The following CABIN1 variants were observed in gnomAD, a reference collection of about 807,000 sequenced individuals.
CABIN1 encodes calcineurin binding protein 1, also known as calcineurin-binding protein cabin-1.
In CABIN1, 133 loss-of-function variants were observed where a neutral mutation model predicts 227.7. The ratio of observed to expected loss-of-function variants is 0.58; its 90% CI spans 0.51 to 0.67. CABIN1 has a LOEUF of 0.67. Ranked by LOEUF, CABIN1 falls within the 30% of genes least tolerant of loss-of-function variation. The pLI, the probability that CABIN1 is intolerant of heterozygous loss-of-function variation, is 0.00. For synonymous variants in CABIN1, 1,086 were observed against 1,155.1 expected (o/e 0.94, Z 1.21); for missense variants, 2,408 against 2,852.5 (o/e 0.84, Z 3.55).
At chr22:24,020,899 T>C (rs1455784738) in intron 1 of CABIN1, among the ~76,000 whole-genome samples, 1 of 152,152 alleles carries the variant, frequency 6.6e-6, no homozygotes, top group East Asian at 1.9e-4. Context: ...ATTTCTGTTA[T>C]CAAGGTGTGG....
At position 24,039,075 on chromosome 22, in the gene CABIN1, T is replaced by C. The variant is rs148195508; in HGVS notation, c.210+614T>C. Among the ~76,000 whole-genome samples the C allele has an allele frequency of 8.7e-3, 1,330 of 152,268 alleles. 21 individuals carry two copies. Among genetic ancestry groups the C allele is most frequent in the African/African-American group, 0.03 (1,246 of 41,560 alleles). On this transcript the variant is annotated intron_variant, in intron 4 of 36. Transcript: ENST00000263119. ...TTAATCCTCGAGTTGACTGGAGATG[T>C]CGACTGGAGGTTTGGGAATTGGTCC...
intron 28 of CABIN1, among the ~76,000 whole-genome samples, chr22:24,128,723 C>T (rs1019867885): frequency 2.0e-5 from 3 of 152,232 alleles, no homozygotes; most frequent in African/African-American, 7.2e-5. Flanking sequence ...TCTGTGCCCC[C>T]GTGCCAATGC....
At chr22:24,170,551 G>A (rs972253469) in intron 33 of CABIN1, among the ~76,000 whole-genome samples, 2 of 152,172 alleles carry the variant, frequency 1.3e-5, no homozygotes, top group Admixed American at 1.3e-4. Context: ...AGACAGGTCT[G>A]TCCTCCTGCC....
intron 28 of CABIN1, among the ~76,000 whole-genome samples, chr22:24,128,861 G>A (rs1462770943): frequency 6.6e-6 from 1 of 152,212 alleles, no homozygotes; most frequent in Non-Finnish European, 1.5e-5. Context: ...CAGACAGTTT[G>A]CACACCTGGA....
At chr22:24,124,861 G>A (rs902687088) in intron 28 of CABIN1, among the ~76,000 whole-genome samples, 2 of 152,150 alleles carry the variant, frequency 1.3e-5, no homozygotes, top group Admixed American at 1.3e-4. Context: ...TCAAGGCAGA[G>A]GGGGTTGGTT....
At chr22:24,129,242 G>T (rs936718847) in intron 28 of CABIN1, among the ~76,000 whole-genome samples, 3 of 152,342 alleles carry the variant, frequency 2.0e-5, no homozygotes, top group South Asian at 2.1e-4. Flanking sequence ...CTCACCCCAA[G>T]CTTTTGCTTC....
chr22:24,064,512 GTTTTTTTT>G (rs782268156), intron 15 of CABIN1, among the ~76,000 whole-genome samples: 4 of 106,900 alleles, frequency 3.7e-5, no homozygotes, highest in African/African-American at 1.5e-4. Context: ...CAGCTGAAAG[GTTTTTTTT>G]TTTTTTTTTT....
chr22:24,155,218 A>G (rs1256497952), intron 29 of CABIN1, among the ~76,000 whole-genome samples: 1 of 152,116 alleles, frequency 6.6e-6, no homozygotes, highest in Non-Finnish European at 1.5e-5. Context: ...TGGAGCTGTG[A>G]GTACCAGGGG....
At chr22:24,132,056 T>G (rs914295175) in intron 28 of CABIN1, among the ~76,000 whole-genome samples, 3 of 148,696 alleles carry the variant, frequency 2.0e-5, no homozygotes, top group Admixed American at 6.7e-5. Context: ...AGTGACACTC[T>G]GTCTCCAAAA....
intron 15 of CABIN1, among the ~76,000 whole-genome samples, chr22:24,064,754 A>T (rs544350819): frequency 2.3e-4 from 35 of 152,142 alleles, no homozygotes; most frequent in Non-Finnish European, 5.0e-4. Flanking sequence ...TCTGTTTGAC[A>T]AAGCACATCT....
Position 24,056,530 on chromosome 22 carries a change from G to A in CABIN1, c.1262+170G>A, listed in dbSNP as rs2038811822. 1.9e-5 allele frequency: 13 copies of A among 681,600 alleles called. No homozygotes were observed. The South Asian group carries it at 2.5e-4, about 13-fold the overall frequency. The allele number at this position is 681,600 out of a possible 1,614,324, so 42.2% of individuals were successfully genotyped here. ...CAAATCTCACTGGAGTAGGATCTTG[G>A]ATTTTTCTCGCCTCTTCCCACCTCT... On this transcript the variant is annotated intron_variant, in intron 10 of 36. Transcript: ENST00000263119.
intron 29 of CABIN1, among the ~76,000 whole-genome samples, chr22:24,141,807 T>G (rs1050301731): frequency 6.6e-6 from 1 of 152,198 alleles, no homozygotes; most frequent in Non-Finnish European, 1.5e-5. Flanking sequence ...CTGTTTGTCC[T>G]GACTGTGTTG....
chr22:24,133,447 A>G (rs1204438774), intron 28 of CABIN1, among the ~76,000 whole-genome samples: 5 of 152,184 alleles, frequency 3.3e-5, no homozygotes, highest in Non-Finnish European at 7.3e-5. Flanking sequence ...GTGCAAGGTG[A>G]TGAAGGCCTG....
In CABIN1 at chr22:24,067,120, C is replaced by T; in HGVS notation, c.2171C>T (p.Ala724Val). 2 of 1,614,254 alleles carry T rather than the reference C, an allele frequency of 1.2e-6. No individual in the cohort carries two copies. The highest frequency in any genetic ancestry group is 1.7e-5 in the Admixed American group (1 of 60,030). Residue 724 changes from alanine (A) to valine (V), a missense_variant, in exon 16 of 37, where the codon GCC (alanine) becomes GTC (valine). Ala to Val is a moderately conservative substitution (Grantham distance 64). This residue lies in a region of CABIN1 where 1,045 missense variants were observed against 1,168.4 expected (regional missense o/e 0.89). Coordinates refer to ENST00000263119, the MANE Select transcript of CABIN1 (RefSeq NM_012295.4). ...TTGTGCACCAGTGGGTTTGACCGGG[C>T]CAAACACCTGGAGTTTATGACTTCC... ...PTLCTSGFDR[A>V]KHLEFMTSIP...
At position 24,164,579 on chromosome 22, in the gene CABIN1, C is replaced by G; in HGVS notation, c.4910+16C>G. On this transcript the variant is annotated intron_variant, in intron 30 of 36. Transcript: ENST00000263119. The stretch of plus-strand genomic sequence containing the variant: ...ACCAGGGCAAGTGAGTGCAGCCACC[C>G]TGGACACAGCCTGGCATGCTGTGTG... 1 of 1,601,530 alleles carries G rather than the reference C, an allele frequency of 6.2e-7. No individual in the cohort carries two copies. Among genetic ancestry groups the G allele is most frequent in the Non-Finnish European group, 8.5e-7 (1 of 1,179,764 alleles).
chr22:24,144,891 G>A (rs760353631), intron 29 of CABIN1, among the ~76,000 whole-genome samples: 33 of 152,340 alleles, frequency 2.2e-4, no homozygotes, highest in Non-Finnish European at 3.5e-4. Context: ...AGCCCCTATG[G>A]GAGTCACTTT....
intron 29 of CABIN1, among the ~76,000 whole-genome samples, chr22:24,148,988 C>G (rs1036467127): frequency 6.6e-6 from 1 of 152,230 alleles, no homozygotes; most frequent in African/African-American, 2.4e-5. Context: ...TCTGCTTTCC[C>G]CCAACCCCAC....
chr22:24,163,440 G>T (rs2047178156), intron 29 of CABIN1, among the ~76,000 whole-genome samples: 1 of 152,114 alleles, frequency 6.6e-6, no homozygotes, highest in Non-Finnish European at 1.5e-5. Flanking sequence ...TGTAGCTGGG[G>T]GCCCAAGTCC....
intron 1 of CABIN1, among the ~76,000 whole-genome samples, chr22:24,023,365 T>C (rs1254740005): frequency 6.6e-6 from 1 of 152,218 alleles, no homozygotes; most frequent in Non-Finnish European, 1.5e-5. Flanking sequence ...GGTGAACAAG[T>C]ATCTGTTCAA....
Sources: gnomAD v4.1 joint callset for allele counts (sites outside exome capture counted in the v4.1 genomes callset) on GRCh38, gnomAD v4.1.1 for gene constraint, gnomAD v4.1.1 regional missense constraint, MANE v1.5 for transcripts, NCBI Gene and HGNC (gene_info 2026-07-23, HGNC 2026-07-21) for gene names.